The following PANK2 variants were observed in gnomAD, a reference collection of about 807,000 sequenced individuals.
PANK2 encodes pantothenate kinase 2, mitochondrial.
A neutral mutation model predicts 43.1 loss-of-function variants in PANK2; 36 were observed. The ratio of observed to expected loss-of-function variants is 0.84; its 90% CI spans 0.64 to 1.10. The LOEUF is 1.10. Ranked by LOEUF, PANK2 falls within the 50% of genes least tolerant of loss-of-function variation. PANK2 has a pLI of 0.00. For missense variants in PANK2, 576 were observed against 593.3 expected (o/e 0.97, Z 0.30); for synonymous variants, 281 against 238.2 (o/e 1.18, Z -1.66).
chr20:3,892,632 C>T lies in PANK2; in HGVS notation c.298+2904C>T, dbSNP rs1025541658. ...CAGAGGTTGCAGTGATCGAAGATCG[C>T]GCCACTGCACTCCAGCCTGGGCGAC... is the stretch of plus-strand genomic sequence containing the variant. On this transcript the variant is annotated intron_variant, in intron 1 of 6. Coordinates refer to ENST00000610179, the MANE Select transcript of PANK2 (RefSeq NM_001386393.1). Among the ~76,000 whole-genome samples, 26 of 148,024 alleles carry T rather than the reference C, an allele frequency of 1.8e-4. 1 individual carries two copies. Among genetic ancestry groups the T allele is most frequent in the African/African-American group, 6.3e-4 (25 of 39,894 alleles).
chr20:3,918,230 T>G (rs552993640), intron 5 of PANK2, among the ~76,000 whole-genome samples: 1 of 152,324 alleles, frequency 6.6e-6, no homozygotes, highest in East Asian at 1.9e-4. Context: ...CAGTTGCTTT[T>G]TTTTGCGAGG....
intron 1 of PANK2, among the ~76,000 whole-genome samples, chr20:3,903,771 G>C (rs1278858218): frequency 6.6e-6 from 1 of 151,826 alleles, no homozygotes; most frequent in Non-Finnish European, 1.5e-5. Flanking sequence ...GGGATTAGAG[G>C]CATGTGCCAC....
chr20:3,907,918 C>T lies in PANK2; in HGVS notation c.299-8C>T. 3 of 1,612,680 alleles carry T rather than the reference C, an allele frequency of 1.9e-6. No individual in the cohort carries two copies. The highest frequency in any genetic ancestry group is 2.5e-6 in the Non-Finnish European group (3 of 1,178,874). ...AGCTGTTCTGACTTATTTTTCTTCC[C>T]CATTTAGTTTTTCCATGGTTTGGAC... On this transcript the variant is annotated splice_polypyrimidine_tract_variant and splice_region_variant and intron_variant, in intron 1 of 6. Coordinates refer to ENST00000610179, the MANE Select transcript of PANK2 (RefSeq NM_001386393.1).
chr20:3,929,307 G>T lies in PANK2; in HGVS notation c.*6013G>T. The T allele has an allele frequency of 6.6e-6, 1 of 152,412 alleles. No homozygotes were observed. Among genetic ancestry groups the T allele is most frequent in the South Asian group, 2.1e-4 (1 of 4,824 alleles). 9.4% of individuals were successfully genotyped at this position (152,412 alleles called of 1,614,324 possible). On this transcript the variant is annotated 3_prime_UTR_variant, in exon 7 of 7. Transcript: ENST00000610179. ...TAGACGCAGCTACAGACTGAGGCGG[G>T]AGGATCACTTGAGTCCAGGAAGTTG...
chr20:3,912,710 G>T, intron 4 of PANK2, 76 bp downstream of exon 4: 1 of 1,517,180 alleles, frequency 6.6e-7, no homozygotes, highest in South Asian at 1.2e-5. Flanking sequence ...CCAAAACTTT[G>T]AGAGGCCGAG....
intron 1 of PANK2, among the ~76,000 whole-genome samples, chr20:3,903,935 T>C (rs928919033): frequency 6.6e-6 from 1 of 151,992 alleles, no homozygotes; most frequent in African/African-American, 2.4e-5. Context: ...CCTAATATTT[T>C]GTATTTTTAG....
rs747490823 is a variant in PANK2, at chr20:3,908,042, C to T, written c.415C>T (p.Arg139Trp). The T allele has an allele frequency of 6.2e-6, 10 of 1,613,974 alleles. No individual in the cohort carries two copies. Among genetic ancestry groups the T allele is most frequent in the South Asian group, 5.5e-5 (5 of 91,086 alleles). Residue 139 changes from arginine (R) to tryptophan (W), a missense_variant, in exon 2 of 7, where the codon CGG becomes TGG. Physicochemically the swap from Arg to Trp is moderately radical, Grantham distance 101. Around this residue, in one of 2 missense-constraint regions of PANK2, gnomAD observed 544 missense variants for 528.9 expected, o/e 1.03. Coordinates refer to ENST00000610179, the MANE Select transcript of PANK2 (RefSeq NM_001386393.1). Reference sequence around the variant, plus strand: ...AGAAGTGGAAAGTCTTAAAAGCATTCGGAAGTACCTGACCTCCAATGTGGC... The same window carrying T: ...AGAAGTGGAAAGTCTTAAAAGCATTTGGAAGTACCTGACCTCCAATGTGGC...
At chr20:3,896,333 C>G (rs2090208431) in intron 1 of PANK2, among the ~76,000 whole-genome samples, 1 of 151,420 alleles carries the variant, frequency 6.6e-6, no homozygotes, top group Admixed American at 6.6e-5. Context: ...CTGCCTTGGC[C>G]TCCCGAAGTG....
At chr20:3,888,963 GCAC>G, upstream of PANK2, 8 of 647,296 alleles carry the variant, frequency 1.2e-5, no homozygotes, top group South Asian at 6.8e-5. Flanking sequence ...CGCTGCGGGA[GCAC>G]TGCTGGGCTG....
chr20:3,911,476 C>G (rs560775844), intron 3 of PANK2, among the ~76,000 whole-genome samples: 1 of 149,182 alleles, frequency 6.7e-6, no homozygotes, highest in Non-Finnish European at 1.5e-5. Context: ...CCCAGCTACT[C>G]GGGAGGCTGA....
chr20:3,916,678 A>C (rs2090564916), intron 4 of PANK2, among the ~76,000 whole-genome samples: 1 of 152,200 alleles, frequency 6.6e-6, no homozygotes, highest in African/African-American at 2.4e-5. Flanking sequence ...GAATATGTGA[A>C]TATCTGGTAT....
At chr20:3,917,557 G>A (rs1283132774) in intron 5 of PANK2, 1 of 527,378 alleles carries the variant, frequency 1.9e-6, no homozygotes, top group Non-Finnish European at 3.9e-6. Context: ...ATTGTACAGG[G>A]CTATGAAAGA....
intron 6 of PANK2, among the ~76,000 whole-genome samples, chr20:3,919,516 A>G (rs972625304): frequency 3.3e-5 from 5 of 152,232 alleles, no homozygotes; most frequent in Admixed American, 2.6e-4. Context: ...ATAGATGAGT[A>G]AACCTCTCAG....
At chr20:3,895,430 C>A (rs2090189801) in intron 1 of PANK2, among the ~76,000 whole-genome samples, 2 of 150,604 alleles carry the variant, frequency 1.3e-5, no homozygotes, top group South Asian at 4.2e-4. Flanking sequence ...TTGCACTGAG[C>A]TATGATCATG....
intron 1 of PANK2, among the ~76,000 whole-genome samples, chr20:3,897,775 G>A (rs1328372587): frequency 6.6e-6 from 1 of 152,162 alleles, no homozygotes; most frequent in Non-Finnish European, 1.5e-5. Context: ...GGGAGGCCGA[G>A]GTGGGCGAAT....
At position 3,907,823 on chromosome 20, in the gene PANK2, G is replaced by A. The variant is rs923116293; in HGVS notation, c.299-103G>A. 3 of 1,016,236 alleles carry A rather than the reference G, an allele frequency of 3.0e-6. No individual in the cohort carries two copies. The African/African-American group carries it at 4.8e-5, about 16-fold the overall frequency. 63.0% of individuals were successfully genotyped at this position (1,016,236 alleles called of 1,614,324 possible). A position where few individuals can be genotyped will look rare whatever the true frequency, so the allele number is the denominator to read the frequency against. ...CCAAAACCCTTTTGCCTAGAATTAT[G>A]TTCTTTGGAAACCCTAGCGTTTGAA... On this transcript the variant is annotated intron_variant, in intron 1 of 6. Coordinates refer to ENST00000610179, the MANE Select transcript of PANK2 (RefSeq NM_001386393.1).
In PANK2 at chr20:3,889,406, G is replaced by T; in HGVS notation, c.-25G>T. On this transcript the variant is annotated 5_prime_UTR_variant, in exon 1 of 7. Transcript: ENST00000610179. ...GCCTCTGCTCTGGCTGGACTGCCGC[G>T]GAGGAGGCGAGAAGGAATCCGACGC... 6.4e-7 allele frequency: 1 copy of T among 1,572,006 alleles called. No homozygotes were observed. Among genetic ancestry groups the T allele is most frequent in the East Asian group, 2.3e-5 (1 of 42,764 alleles).
intron 4 of PANK2, among the ~76,000 whole-genome samples, chr20:3,913,898 T>G (rs6116095): frequency 0.015 from 2,238 of 151,230 alleles, 67 homozygotes; most frequent in African/African-American, 0.052. Flanking sequence ...ATGCCATTCT[T>G]CTGCTTCAGC....
At chr20:3,919,014 C>T (rs2090607138) in intron 6 of PANK2, among the ~76,000 whole-genome samples, 1 of 152,162 alleles carries the variant, frequency 6.6e-6, no homozygotes, top group Non-Finnish European at 1.5e-5. Context: ...TCAAGCAGTC[C>T]TCCCACCTCA....
Sources: allele counts gnomAD v4.1 joint callset (sites outside exome capture counted in the v4.1 genomes callset), GRCh38; gene constraint gnomAD v4.1.1; regional missense constraint gnomAD v4.1.1; transcripts MANE v1.5; gene names NCBI Gene and HGNC (gene_info 2026-07-23, HGNC 2026-07-21).